Variants in GAS2 observed in about 807,000 individuals in gnomAD.
GAS2 encodes growth arrest specific 2.
GAS2 carries 20 observed loss-of-function variants against 37.5 expected under a neutral mutation model. The observed-to-expected ratio is 0.53, with a 90% CI of 0.37 to 0.77. The LOEUF (loss-of-function observed/expected upper bound fraction) is 0.77. Among genes scored for constraint, GAS2 ranks in the 30% least tolerant of loss-of-function variants. GAS2 has a pLI of 0.00. For synonymous variants in GAS2, 144 were observed against 132.2 expected, an observed-to-expected ratio of 1.09 and a Z score of -0.61; for missense variants, 336 against 373.4, an observed-to-expected ratio of 0.90 and a Z score of 0.82.
chr11:22,644,659 C>G (rs1848668178), intron 1 of GAS2, among the ~76,000 whole-genome samples: 1 of 146,870 alleles, frequency 6.8e-6, no homozygotes, highest in South Asian at 2.3e-4. Context: ...CTTGCTTTGT[C>G]ACCCAGGCTG....
intron 3 of GAS2, among the ~76,000 whole-genome samples, chr11:22,691,263 G>A (rs1484936223): frequency 6.6e-6 from 1 of 152,172 alleles, no homozygotes; most frequent in Non-Finnish European, 1.5e-5. Context: ...CAATACATTT[G>A]CCCATCAGGA....
At chr11:22,806,489 A>G (rs1260103568) in intron 7 of GAS2, among the ~76,000 whole-genome samples, 1 of 152,112 alleles carries the variant, frequency 6.6e-6, no homozygotes, top group Non-Finnish European at 1.5e-5. Flanking sequence ...GCTGGATCAC[A>G]TGGTACCTTT....
intron 5 of GAS2, 112 bp from the exon 6 acceptor site, chr11:22,749,008 T>C: frequency 9.2e-7 from 1 of 1,091,592 alleles, no homozygotes. Context: ...AAAGTGAATG[T>C]TATTTTTAAA....
At chr11:22,634,708 G>A (rs1179380485) in intron 1 of GAS2, among the ~76,000 whole-genome samples, 2 of 152,160 alleles carry the variant, frequency 1.3e-5, no homozygotes, top group Admixed American at 6.5e-5. Context: ...GCTGGGGAAT[G>A]TCTGGAAGGG....
At chr11:22,661,974 G>A (rs1848921849), upstream of GAS2, among the ~76,000 whole-genome samples, 1 of 152,092 alleles carries the variant, frequency 6.6e-6, no homozygotes, top group Non-Finnish European at 1.5e-5. Flanking sequence ...ATATCAGAGT[G>A]CAATATAATA....
intron 1 of GAS2, among the ~76,000 whole-genome samples, chr11:22,633,645 C>T (rs1219577716): frequency 6.6e-6 from 1 of 152,064 alleles, no homozygotes; most frequent in East Asian, 1.9e-4. Flanking sequence ...CTAACCTTGA[C>T]AGAGGCAGCT....
At chr11:22,780,963 A>C (rs547678457) in intron 7 of GAS2, among the ~76,000 whole-genome samples, 1 of 152,246 alleles carries the variant, frequency 6.6e-6, no homozygotes, top group African/African-American at 2.4e-5. Context: ...TTTTAAAAAG[A>C]TAATCACAGC....
At chr11:22,649,231 G>T (rs1166268499) in intron 1 of GAS2, among the ~76,000 whole-genome samples, 2 of 151,964 alleles carry the variant, frequency 1.3e-5, no homozygotes, top group African/African-American at 4.8e-5. Context: ...ATTGATTTGC[G>T]TATATTGAAC....
chr11:22,726,480 C>A, intron 4 of GAS2, 47 bp downstream of exon 4: 2 of 1,550,204 alleles, frequency 1.3e-6, no homozygotes, highest in South Asian at 1.2e-5. Context: ...CGCAAATTAT[C>A]TTTTGTCTTT....
At chr11:22,734,379 A>G (rs1852636198) in intron 4 of GAS2, among the ~76,000 whole-genome samples, 1 of 151,656 alleles carries the variant, frequency 6.6e-6, no homozygotes, top group Admixed American at 6.6e-5. Context: ...GTTTGATTAA[A>G]TTTAGAATTA....
At chr11:22,674,139 A>C (rs1327369305) in intron 1 of GAS2, among the ~76,000 whole-genome samples, 1 of 152,138 alleles carries the variant, frequency 6.6e-6, no homozygotes, top group Non-Finnish European at 1.5e-5. Flanking sequence ...GGGAATATGA[A>C]GACTCAGGTT....
At chr11:22,809,108 T>C (rs965810492) in intron 7 of GAS2, among the ~76,000 whole-genome samples, 11 of 152,170 alleles carry the variant, frequency 7.2e-5, no homozygotes, top group African/African-American at 2.4e-4. Context: ...TGTCTACATA[T>C]GTAAAACAAC....
chr11:22,689,430 T>TA (rs927978945), intron 3 of GAS2, among the ~76,000 whole-genome samples: 1 of 152,196 alleles, frequency 6.6e-6, no homozygotes, highest in African/African-American at 2.4e-5. Context: ...TGACTGCCAG[T>TA]AATATGCAGC....
At chr11:22,726,192 A>C in intron 3 of GAS2, 100 bp from the exon 4 acceptor site, 1 of 1,180,292 alleles carries the variant, frequency 8.5e-7, no homozygotes, top group Non-Finnish European at 1.2e-6. Flanking sequence ...ACTTATTGGC[A>C]TGAGGTAATT....
chr11:22,663,821 T>G (rs1350763444), upstream of GAS2, among the ~76,000 whole-genome samples: 1 of 152,204 alleles, frequency 6.6e-6, no homozygotes, highest in Non-Finnish European at 1.5e-5. Flanking sequence ...TGCTAGGATT[T>G]ATAAAATTTA....
intron 1 of GAS2, among the ~76,000 whole-genome samples, chr11:22,644,751 A>G (rs547296884): frequency 6.6e-6 from 1 of 152,072 alleles, no homozygotes; most frequent in African/African-American, 2.4e-5. Flanking sequence ...CCTGCCAAGT[A>G]TCTGGGACTA....
chr11:22,773,150 G>C (rs142486429), intron 7 of GAS2, among the ~76,000 whole-genome samples: 82 of 152,176 alleles, frequency 5.4e-4, no homozygotes, highest in African/African-American at 1.7e-3. Flanking sequence ...TCTCCTCCTA[G>C]AGGCTGCAGT....
At chr11:22,646,653 G>T (rs1410391887) in intron 1 of GAS2, among the ~76,000 whole-genome samples, 2 of 152,198 alleles carry the variant, frequency 1.3e-5, no homozygotes, top group Admixed American at 1.3e-4. Flanking sequence ...TTTAGAAACA[G>T]AGAGCCATAT....
At position 22,723,128 on chromosome 11, in the gene GAS2, G is replaced by C. The variant is rs145426483; in HGVS notation, c.268-3164G>C. 2.9e-4 allele frequency among the ~76,000 whole-genome samples: 44 copies of C among 151,866 alleles called. 1 individual carries two copies. The highest frequency in any genetic ancestry group is 1.1e-3 in the African/African-American group (44 of 41,470). On this transcript the variant is annotated intron_variant, in intron 3 of 7. Transcript: ENST00000454584. Reference sequence around the variant, plus strand: ...AAAATTGGAAGCTTCTATTCACACTGTTTACTATTTCCCAGTCTTCAGCTG... The same window carrying C: ...AAAATTGGAAGCTTCTATTCACACTCTTTACTATTTCCCAGTCTTCAGCTG...
Sources: gnomAD v4.1 joint callset for allele counts (sites outside exome capture counted in the v4.1 genomes callset) on GRCh38, gnomAD v4.1.1 for gene constraint, MANE v1.5 for transcripts, NCBI Gene and HGNC (gene_info 2026-07-23, HGNC 2026-07-21) for gene names.